The following MACROD2 variants were observed in gnomAD, a reference collection of about 807,000 sequenced individuals.
The protein encoded by MACROD2 is ADP-ribose glycohydrolase MACROD2.
In MACROD2, 36 loss-of-function variants were observed where a neutral mutation model predicts 70.4. That is an observed-to-expected ratio of 0.51 (90% confidence interval 0.39 to 0.68). The LOEUF (loss-of-function observed/expected upper bound fraction) is 0.68. MACROD2 is among the 30% of genes least tolerant of loss of function. The pLI is 0.00. For missense variants in MACROD2, 496 were observed against 538.4 expected (o/e 0.92, Z 0.78); for synonymous variants, 172 against 178.8 (o/e 0.96, Z 0.30).
chr20:14,347,859 A>G (rs1273239344), intron 3 of MACROD2, among the ~76,000 whole-genome samples: 1 of 152,206 alleles, frequency 6.6e-6, no homozygotes, highest in Non-Finnish European at 1.5e-5. Flanking sequence ...CATTAGGAAT[A>G]TGGGGCAGCT....
chr20:14,447,042 G>A (rs768041309), intron 3 of MACROD2, among the ~76,000 whole-genome samples: 4 of 151,816 alleles, frequency 2.6e-5, no homozygotes, highest in Non-Finnish European at 4.4e-5. Context: ...TTTTTGAGAT[G>A]GAGTCTCGCT....
intron 5 of MACROD2, among the ~76,000 whole-genome samples, chr20:15,038,023 A>G (rs966697822): frequency 7.2e-5 from 11 of 152,322 alleles, no homozygotes; most frequent in Admixed American, 2.6e-4. Context: ...CACTGTATAC[A>G]TGTATCAGAA....
chr20:14,033,484 A>G (rs2053270613), intron 2 of MACROD2, among the ~76,000 whole-genome samples: 1 of 152,100 alleles, frequency 6.6e-6, no homozygotes, highest in Admixed American at 6.5e-5. Flanking sequence ...CTATTCATAG[A>G]ATATTCATAG....
intron 5 of MACROD2, among the ~76,000 whole-genome samples, chr20:15,209,105 G>A (rs1433317991): frequency 1.4e-5 from 2 of 138,858 alleles, no homozygotes; most frequent in Non-Finnish European, 3.2e-5. Context: ...TGGTGGTGGT[G>A]GTGGTGGTGG....
intron 4 of MACROD2, among the ~76,000 whole-genome samples, chr20:14,574,792 A>G (rs1344502339): frequency 1.3e-5 from 2 of 149,778 alleles, no homozygotes; most frequent in Non-Finnish European, 3.0e-5. Flanking sequence ...CGGGTGGATC[A>G]TGAGGTCAGG....
intron 2 of MACROD2, among the ~76,000 whole-genome samples, chr20:14,029,877 G>A (rs1025468105): frequency 1.1e-4 from 16 of 152,124 alleles, no homozygotes; most frequent in African/African-American, 3.4e-4. Context: ...ACACCATTGA[G>A]TTTCTTTCTT....
intron 8 of MACROD2, among the ~76,000 whole-genome samples, chr20:15,822,260 C>T (rs2063946745): frequency 6.6e-6 from 1 of 152,128 alleles, no homozygotes; most frequent in Admixed American, 6.6e-5. Context: ...GTGGCGTACA[C>T]TTACCAGACA....
chr20:15,920,161 T>C (rs6105492), intron 10 of MACROD2, among the ~76,000 whole-genome samples: 15,733 of 152,162 alleles, frequency 0.1, 1,258 homozygotes, highest in East Asian at 0.29. Context: ...CATGAGGATA[T>C]TGGATATATG....
chr20:14,772,231 T>G (rs2180476), intron 5 of MACROD2, among the ~76,000 whole-genome samples: 1 of 151,812 alleles, frequency 6.6e-6, no homozygotes, highest in African/African-American at 2.4e-5. Context: ...TCTTTTCACT[T>G]TCTTCCATTC....
Position 16,050,142 on chromosome 20 carries a change from T to A in MACROD2, c.*266T>A. ...CATTATCCTTGTAATTTCTGTCTTT[T>A]CTCTTACAACTTTGCCCCAGGGTCA... On this transcript the variant is annotated 3_prime_UTR_variant, in exon 18 of 18. Coordinates refer to ENST00000684519, the MANE Select transcript of MACROD2 (RefSeq NM_001351661.2). 3.0e-6 allele frequency: 1 copy of A among 332,532 alleles called. No homozygotes were observed. 20.6% of individuals were successfully genotyped at this position (332,532 alleles called of 1,614,324 possible).
chr20:15,319,913 A>G (rs2077854936), intron 6 of MACROD2, among the ~76,000 whole-genome samples: 1 of 152,222 alleles, frequency 6.6e-6, no homozygotes, highest in African/African-American at 2.4e-5. Flanking sequence ...TGGTAAATCC[A>G]TAGTTATAGA....
chr20:14,743,210 T>C (rs12481042), intron 5 of MACROD2, among the ~76,000 whole-genome samples: 21,426 of 152,098 alleles, frequency 0.14, 2,015 homozygotes, highest in South Asian at 0.37. Flanking sequence ...CAATAACATA[T>C]TGTGGTAGTA....
At chr20:14,064,743 A>G (rs2053735685) in intron 2 of MACROD2, among the ~76,000 whole-genome samples, 1 of 152,106 alleles carries the variant, frequency 6.6e-6, no homozygotes, top group Non-Finnish European at 1.5e-5. Context: ...ATTTTCTTCT[A>G]CTGGTATTTG....
intron 3 of MACROD2, among the ~76,000 whole-genome samples, chr20:14,246,221 G>T (rs542214987): frequency 6.6e-6 from 1 of 152,178 alleles, no homozygotes; most frequent in African/African-American, 2.4e-5. Flanking sequence ...GCAGCCATTT[G>T]TAACACTTCA....
chr20:14,720,480 C>G (rs368291165), intron 5 of MACROD2, among the ~76,000 whole-genome samples: 1 of 144,358 alleles, frequency 6.9e-6, no homozygotes, highest in Admixed American at 7.0e-5. Context: ...GCATTTTGGC[C>G]TAAAGGTAGT....
At chr20:14,516,108 A>G (rs1022034015) in intron 4 of MACROD2, among the ~76,000 whole-genome samples, 1 of 150,854 alleles carries the variant, frequency 6.6e-6, no homozygotes, top group South Asian at 2.1e-4. Context: ...AAATTTACCT[A>G]GAGAGCAAAA....
intron 8 of MACROD2, among the ~76,000 whole-genome samples, chr20:15,615,718 C>G (rs1014528303): frequency 9.2e-5 from 14 of 152,142 alleles, no homozygotes; most frequent in Non-Finnish European, 1.9e-4. Flanking sequence ...CACTTTGAAG[C>G]CCTCACACAC....
At chr20:15,286,154 G>A (rs757037168) in intron 6 of MACROD2, among the ~76,000 whole-genome samples, 8 of 152,136 alleles carry the variant, frequency 5.3e-5, no homozygotes, top group African/African-American at 1.4e-4. Flanking sequence ...TGAGGAAGGC[G>A]AAGAAGAGAA....
intron 3 of MACROD2, among the ~76,000 whole-genome samples, chr20:14,427,538 AT>A (rs2083947461): frequency 6.6e-6 from 1 of 151,754 alleles, no homozygotes; most frequent in African/African-American, 2.4e-5. Flanking sequence ...GTAACATAAT[AT>A]ATAACATATC....
Sources: gnomAD v4.1 joint callset for allele counts (sites outside exome capture counted in the v4.1 genomes callset) on GRCh38, gnomAD v4.1.1 for gene constraint, MANE v1.5 for transcripts, NCBI Gene and HGNC (gene_info 2026-07-23, HGNC 2026-07-21) for gene names.